The following CNTNAP3 variants were observed in gnomAD, a reference collection of about 807,000 sequenced individuals.
The protein encoded by CNTNAP3 is contactin-associated protein-like 3.
In CNTNAP3, 36 loss-of-function variants were observed where a neutral mutation model predicts 92.1. The observed-to-expected ratio is 0.39, with a 90% CI of 0.30 to 0.52. CNTNAP3 has a LOEUF of 0.52. CNTNAP3 is among the 20% of genes least tolerant of loss of function. The pLI, the probability that CNTNAP3 is intolerant of heterozygous loss-of-function variation, is 0.76. For missense variants in CNTNAP3, 534 were observed against 1,069.6 expected (o/e 0.50, Z 6.98); for synonymous variants, 232 against 422.3 (o/e 0.55, Z 5.53).
intron 18 of CNTNAP3, among the ~76,000 whole-genome samples, chr9:39,097,209 T>C (rs560022141): frequency 3.6e-4 from 55 of 152,310 alleles, no homozygotes; most frequent in African/African-American, 1.3e-3. Flanking sequence ...ACTGCCAATA[T>C]CTTCATACCA....
At chr9:39,141,768 G>A (rs953771909) in intron 11 of CNTNAP3, among the ~76,000 whole-genome samples, 4 of 152,130 alleles carry the variant, frequency 2.6e-5, no homozygotes, top group Non-Finnish European at 5.9e-5. Flanking sequence ...TTGGAATGGA[G>A]ACAAATATTG....
intron 16 of CNTNAP3, among the ~76,000 whole-genome samples, chr9:39,103,000 T>A (rs1180963626): frequency 3.3e-5 from 5 of 152,014 alleles, no homozygotes; most frequent in Admixed American, 2.6e-4. Flanking sequence ...TATGTACCTA[T>A]AGCTAGAATA....
At chr9:39,179,290 C>CT (rs1563900298) in intron 4 of CNTNAP3, among the ~76,000 whole-genome samples, 1 of 82,994 alleles carries the variant, frequency 1.2e-5, no homozygotes, top group African/African-American at 8.7e-5. Context: ...TCTCTCTACA[C>CT]ACACACACAC....
At chr9:39,130,856 T>C (rs1178039052) in intron 13 of CNTNAP3, among the ~76,000 whole-genome samples, 1 of 151,348 alleles carries the variant, frequency 6.6e-6, no homozygotes, top group African/African-American at 2.4e-5. Flanking sequence ...ACTGTATGGA[T>C]GTCAAGATTC....
At chr9:39,147,065 T>G (rs1215412412) in intron 10 of CNTNAP3, among the ~76,000 whole-genome samples, 3 of 152,154 alleles carry the variant, frequency 2.0e-5, no homozygotes, top group Non-Finnish European at 2.9e-5. Flanking sequence ...GATGGTTTTA[T>G]AAAGGGGAGT....
rs12340509 is a variant in CNTNAP3 at position 39,164,799 on chromosome 9, T to G, written c.1477+1134A>C. Among the ~76,000 whole-genome samples, 230 of 131,288 alleles carry G rather than the reference T, an allele frequency of 1.8e-3. 11 individuals are homozygous for G. The highest frequency in any genetic ancestry group is 6.7e-3 in the African/African-American group (221 of 33,222). The allele number at this position is 131,288 out of a possible 152,430, so 86.1% of individuals were successfully genotyped here. On this transcript the variant is annotated intron_variant, in intron 9 of 23. Coordinates refer to ENST00000297668, the MANE Select transcript of CNTNAP3 (RefSeq NM_033655.5). The stretch of plus-strand genomic sequence containing the variant: ...TTCTCTTAACTGTGGTTTCCAGATA[T>G]AAAAGCTTAATCTTTGGATTCACAG...
chr9:39,067,584 G>T lies in CNTNAP3; in HGVS notation c.*6306C>A. Among the ~76,000 whole-genome samples, 1 of 152,430 alleles carries T rather than the reference G, an allele frequency of 6.6e-6. No homozygotes were observed. The highest frequency in any genetic ancestry group is 6.5e-5 in the Admixed American group (1 of 15,314). On this transcript the variant is annotated 3_prime_UTR_variant, in exon 24 of 24. Transcript: ENST00000297668. ...GGCTAATTTTTGTATGTTTAGTAGA[G>T]ACGGGGTTTCCACCTTGTTAGCAGG...
intron 18 of CNTNAP3, among the ~76,000 whole-genome samples, chr9:39,090,966 GGTTTT>G (rs1344369136): frequency 5.3e-5 from 8 of 151,750 alleles, no homozygotes; most frequent in Admixed American, 1.3e-4. Context: ...TTGTTTTACT[GGTTTT>G]ATTTTCAGAT....
intron 15 of CNTNAP3, among the ~76,000 whole-genome samples, chr9:39,105,975 G>A (rs959053672): frequency 2.0e-5 from 3 of 151,756 alleles, no homozygotes; most frequent in Non-Finnish European, 4.4e-5. Context: ...AGCACCACAG[G>A]GTTCATTACA....
chr9:39,114,377 G>A (rs1158497482), intron 14 of CNTNAP3, among the ~76,000 whole-genome samples: 3 of 152,080 alleles, frequency 2.0e-5, no homozygotes, highest in Admixed American at 2.0e-4. Flanking sequence ...GAGCCATGGC[G>A]CCCTGCCACT....
chr9:39,104,009 C>T (rs1826532786), intron 15 of CNTNAP3, 95 bp from the exon 16 acceptor site: 2 of 1,502,290 alleles, frequency 1.3e-6, no homozygotes, highest in East Asian at 2.3e-5. Flanking sequence ...CTGCTAAATA[C>T]ATTAATAGAA....
chr9:39,136,661 G>C (rs1338939543), intron 12 of CNTNAP3, among the ~76,000 whole-genome samples: 1 of 152,164 alleles, frequency 6.6e-6, no homozygotes, highest in South Asian at 2.1e-4. Flanking sequence ...AGCACTTTGG[G>C]AGGCTGAGGT....
intron 20 of CNTNAP3, 132 bp from the exon 21 acceptor site, chr9:39,085,955 C>T (rs1826053571): frequency 2.3e-6 from 2 of 870,994 alleles, no homozygotes; most frequent in African/African-American, 1.7e-5. Flanking sequence ...CTCAAGAAGC[C>T]ACCTTCAAAT....
chr9:39,108,845 A>G (rs1434792149), intron 15 of CNTNAP3, among the ~76,000 whole-genome samples: 2 of 152,242 alleles, frequency 1.3e-5, no homozygotes, highest in Non-Finnish European at 2.9e-5. Flanking sequence ...CAATGAATAA[A>G]TATCCCTTAG....
intron 13 of CNTNAP3, among the ~76,000 whole-genome samples, chr9:39,120,818 A>AAAAT (rs1368259190): frequency 1.3e-5 from 2 of 152,240 alleles, no homozygotes; most frequent in African/African-American, 4.8e-5. Flanking sequence ...CATCAGGAAA[A>AAAAT]AAATGAAAAG....
At chr9:39,076,928 G>A (rs1194979946) in intron 23 of CNTNAP3, among the ~76,000 whole-genome samples, 1 of 152,286 alleles carries the variant, frequency 6.6e-6, no homozygotes, top group Non-Finnish European at 1.5e-5. Flanking sequence ...CTGCACTCCA[G>A]CCTTTGCGAC....
At position 39,127,130 on chromosome 9, in the gene CNTNAP3, A is replaced by G. The variant is rs1010301095; in HGVS notation, c.2080+5802T>C. Among the ~76,000 whole-genome samples the G allele has an allele frequency of 5.9e-5, 9 of 152,250 alleles. No individual in the cohort carries two copies. In the East Asian group the frequency reaches 1.7e-3, roughly 29 times the overall value. ...AGAAAAAGAAAATCTCTAAACACTTAGAAATTTTTAAAAATACACTTCTAA... is the reference window on the plus strand; with the variant it reads ...AGAAAAAGAAAATCTCTAAACACTTGGAAATTTTTAAAAATACACTTCTAA... On this transcript the variant is annotated intron_variant, in intron 13 of 23. Transcript: ENST00000297668.
chr9:39,119,523 C>T (rs967204279), intron 13 of CNTNAP3, among the ~76,000 whole-genome samples: 1 of 152,134 alleles, frequency 6.6e-6, no homozygotes, highest in African/African-American at 2.4e-5. Context: ...CACCATTAAA[C>T]TGTCGCAGAT....
chr9:39,151,040 TAC>T (rs1587734550), intron 9 of CNTNAP3, among the ~76,000 whole-genome samples: 2 of 147,556 alleles, frequency 1.4e-5, no homozygotes, highest in South Asian at 2.2e-4. Context: ...AGGATGAAAG[TAC>T]ACACTCTAGT....
Sources: gnomAD v4.1 joint callset for allele counts (sites outside exome capture counted in the v4.1 genomes callset) on GRCh38, gnomAD v4.1.1 for gene constraint, MANE v1.5 for transcripts, NCBI Gene and HGNC (gene_info 2026-07-23, HGNC 2026-07-21) for gene names.